The following RABGAP1L variants were observed in gnomAD, a reference collection of about 807,000 sequenced individuals.
RABGAP1L encodes RAB GTPase activating protein 1 like.
RABGAP1L carries 63 observed loss-of-function variants against 137.7 expected under a neutral mutation model. The ratio of observed to expected loss-of-function variants is 0.46; its 90% confidence interval spans 0.37 to 0.56. The LOEUF (loss-of-function observed/expected upper bound fraction) is 0.56. Among genes scored for constraint, RABGAP1L ranks in the 20% least tolerant of loss-of-function variants. The pLI is 0.00. For synonymous variants in RABGAP1L, 431 were observed against 433.7 expected (o/e 0.99, Z 0.08); for missense variants, 1,095 against 1,244.0 (o/e 0.88, Z 1.80).
At chr1:174,344,209 A>T (rs1375890825) in intron 11 of RABGAP1L, among the ~76,000 whole-genome samples, 1 of 152,132 alleles carries the variant, frequency 6.6e-6, no homozygotes, top group Non-Finnish European at 1.5e-5. Flanking sequence ...AGTACTTGAA[A>T]CTTATTTTCG....
At position 174,609,273 on chromosome 1, in the gene RABGAP1L, A is replaced by G. The variant is rs74126854; in HGVS notation, c.1711-28102A>G. Among the ~76,000 whole-genome samples the G allele has an allele frequency of 3.2e-3, 493 of 152,268 alleles. 3 individuals carry two copies. The highest frequency in any genetic ancestry group is 0.012 in the African/African-American group (480 of 41,558). ...GAATCAAGTCAAAATACCTTCCACA[A>G]ATGGCAACTTAATACTTAAGGAATA... On this transcript the variant is annotated intron_variant, in intron 13 of 25. Coordinates refer to ENST00000681986, the MANE Select transcript of RABGAP1L (RefSeq NM_001366446.1).
intron 10 of RABGAP1L, among the ~76,000 whole-genome samples, chr1:174,298,419 T>C (rs966784037): frequency 1.3e-5 from 2 of 152,238 alleles, no homozygotes; most frequent in Non-Finnish European, 2.9e-5. Flanking sequence ...TGGATACTGA[T>C]GTGGCCTTTA....
chr1:174,216,402 C>G (rs1419903605), intron 1 of RABGAP1L, among the ~76,000 whole-genome samples: 2 of 151,960 alleles, frequency 1.3e-5, no homozygotes, highest in East Asian at 3.9e-4. Flanking sequence ...AAGTATCTCA[C>G]ATAACACATT....
At chr1:174,405,367 T>C (rs1649137837) in intron 13 of RABGAP1L, among the ~76,000 whole-genome samples, 1 of 152,098 alleles carries the variant, frequency 6.6e-6, no homozygotes, top group East Asian at 1.9e-4. Flanking sequence ...TTATTGAGAG[T>C]CAGAGCATCG....
rs562076988 is a variant in RABGAP1L at position 174,463,260 on chromosome 1, C to T, written c.1710+69115C>T. Among the ~76,000 whole-genome samples the T allele has an allele frequency of 1.3e-4, 20 of 152,148 alleles. 1 individual carries two copies. The East Asian group carries it at 3.9e-3, about 29-fold the overall frequency. On this transcript the variant is annotated intron_variant, in intron 13 of 25. Transcript: ENST00000681986. ...CACAATAGCAAAGACTTGGAACTAA[C>T]CCAAATGTCCAACAATGATAGACTG... is the stretch of plus-strand genomic sequence containing the variant.
At chr1:174,780,533 T>C (rs1186672584) in intron 18 of RABGAP1L, among the ~76,000 whole-genome samples, 6 of 152,204 alleles carry the variant, frequency 3.9e-5, no homozygotes, top group Non-Finnish European at 7.4e-5. Flanking sequence ...ACTGTTGTAT[T>C]ATAGTTTACT....
At chr1:174,892,284 G>A (rs1456471944) in intron 19 of RABGAP1L, 2 of 333,698 alleles carry the variant, frequency 6.0e-6, no homozygotes, top group African/African-American at 4.4e-5. Flanking sequence ...CACTTATCAA[G>A]TGGGTCCCAT....
chr1:174,890,665 CCTT>C (rs1655978847), intron 19 of RABGAP1L, among the ~76,000 whole-genome samples: 1 of 151,832 alleles, frequency 6.6e-6, no homozygotes, highest in Admixed American at 6.6e-5. Context: ...TTAGAAGTAT[CCTT>C]CTATAAATAT....
chr1:174,583,939 C>T (rs969445776), intron 13 of RABGAP1L, among the ~76,000 whole-genome samples: 1 of 152,088 alleles, frequency 6.6e-6, no homozygotes, highest in East Asian at 1.9e-4. Context: ...CAAAGCTTGG[C>T]GACATTGAGT....
Position 174,221,104 on chromosome 1 carries a change from A to G in RABGAP1L, c.271A>G (p.Ile91Val), listed in dbSNP as rs2148469708. Residue 91 changes from isoleucine (I) to valine (V), a missense_variant, in exon 3 of 26, where the codon ATT (isoleucine) becomes GTT (valine). Ile to Val is a conservative substitution (Grantham distance 29). Coordinates refer to ENST00000681986, the MANE Select transcript of RABGAP1L (RefSeq NM_001366446.1). ...SEISDHSFGD[I>V]PASQTNKPSL... Reference sequence around the variant, plus strand: ...GATTTCAGACCATTCGTTTGGAGATATTCCAGCCAGCCAAACAAATAAGCC... The same window carrying G: ...GATTTCAGACCATTCGTTTGGAGATGTTCCAGCCAGCCAAACAAATAAGCC... 2 of 1,613,840 alleles carry G rather than the reference A, an allele frequency of 1.2e-6. No individual in the cohort carries two copies. The highest frequency in any genetic ancestry group is 1.7e-6 in the Non-Finnish European group (2 of 1,179,830).
intron 13 of RABGAP1L, among the ~76,000 whole-genome samples, chr1:174,499,622 T>C (rs1489959987): frequency 6.6e-6 from 1 of 152,186 alleles, no homozygotes; most frequent in Admixed American, 6.5e-5. Context: ...CGAGCCTCAG[T>C]TTCCTTGGTT....
chr1:174,720,831 A>G (rs755301390), intron 17 of RABGAP1L, among the ~76,000 whole-genome samples: 6 of 152,230 alleles, frequency 3.9e-5, no homozygotes, highest in Admixed American at 6.5e-5. Flanking sequence ...TTCAGGAATT[A>G]GGTAGTGATG....
At chr1:174,389,416 A>G (rs533105339) in intron 12 of RABGAP1L, among the ~76,000 whole-genome samples, 10 of 152,084 alleles carry the variant, frequency 6.6e-5, no homozygotes, top group African/African-American at 1.4e-4. Context: ...GTCACATTCA[A>G]TGACTTTTAT....
At chr1:174,853,310 TATA>T (rs1648706367) in intron 19 of RABGAP1L, among the ~76,000 whole-genome samples, 2 of 152,154 alleles carry the variant, frequency 1.3e-5, no homozygotes, top group African/African-American at 4.8e-5. Flanking sequence ...TTATTTTCTG[TATA>T]AACCATATTT....
intron 20 of RABGAP1L, among the ~76,000 whole-genome samples, chr1:174,968,452 T>C (rs1251169481): frequency 6.6e-6 from 1 of 152,026 alleles, no homozygotes; most frequent in African/African-American, 2.4e-5. Flanking sequence ...ACCAAGTTCA[T>C]AGTGTTTAGT....
chr1:174,946,049 C>T (rs750511136), intron 19 of RABGAP1L, among the ~76,000 whole-genome samples: 138 of 144,948 alleles, frequency 9.5e-4, no homozygotes, highest in Non-Finnish European at 1.7e-3. Flanking sequence ...TTTTTTTTTT[C>T]CTAGCTTGCC....
chr1:174,930,649 CA>C (rs1279451294), intron 19 of RABGAP1L, among the ~76,000 whole-genome samples: 1 of 152,156 alleles, frequency 6.6e-6, no homozygotes, highest in Non-Finnish European at 1.5e-5. Flanking sequence ...CAAACATACA[CA>C]AAAGTAGAGA....
At chr1:174,814,314 T>G (rs544116737) in intron 19 of RABGAP1L, among the ~76,000 whole-genome samples, 1 of 152,324 alleles carries the variant, frequency 6.6e-6, no homozygotes, top group Non-Finnish European at 1.5e-5. Context: ...TTTAATAATT[T>G]GTAAAGTTTT....
At chr1:174,580,751 G>A (rs991540543) in intron 13 of RABGAP1L, among the ~76,000 whole-genome samples, 12 of 152,010 alleles carry the variant, frequency 7.9e-5, no homozygotes. Flanking sequence ...TGCATGTTGT[G>A]CACATATACC....
Sources: gnomAD v4.1 joint callset for allele counts (sites outside exome capture counted in the v4.1 genomes callset) on GRCh38, gnomAD v4.1.1 for gene constraint, MANE v1.5 for transcripts, NCBI Gene and HGNC (gene_info 2026-07-23, HGNC 2026-07-21) for gene names.